The following USP54 variants were observed in gnomAD, a reference collection of about 807,000 sequenced individuals.
USP54 encodes the protein ubiquitin specific peptidase 54.
USP54 carries 87 observed loss-of-function variants against 170.5 expected under a neutral mutation model. The observed-to-expected ratio is 0.51, with a 90% CI of 0.43 to 0.61. USP54 has a LOEUF of 0.61. Among genes scored for constraint, USP54 ranks in the 20% least tolerant of loss-of-function variants. The pLI is 0.00. For missense variants in USP54, 1,786 were observed against 2,047.8 expected (o/e 0.87, Z 2.47); for synonymous variants, 655 against 742.8 (o/e 0.88, Z 1.92).
chr10:73,625,154 A>G (rs947695854), intron 1 of USP54, among the ~76,000 whole-genome samples: 1 of 152,092 alleles, frequency 6.6e-6, no homozygotes, highest in Non-Finnish European at 1.5e-5. Flanking sequence ...CCTTCTTCCA[A>G]CTCAATACGC....
chr10:73,532,944 A>G (rs1056837773), intron 12 of USP54, among the ~76,000 whole-genome samples: 1 of 152,242 alleles, frequency 6.6e-6, no homozygotes, highest in Non-Finnish European at 1.5e-5. Context: ...TATGATACTT[A>G]TAAGTGGATA....
chr10:73,601,124 T>C (rs2079135081), intron 1 of USP54, among the ~76,000 whole-genome samples: 2 of 152,142 alleles, frequency 1.3e-5, no homozygotes, highest in Admixed American at 1.3e-4. Context: ...TAGGAAAGTT[T>C]GGGTAAATTA....
chr10:73,584,128 G>A (rs1403789436), intron 1 of USP54, among the ~76,000 whole-genome samples: 1 of 152,156 alleles, frequency 6.6e-6, no homozygotes, highest in Non-Finnish European at 1.5e-5. Flanking sequence ...AGTGGCTCAC[G>A]CCTGTAATGC....
intron 20 of USP54, 164 bp from the exon 21 acceptor site, chr10:73,505,590 G>A: frequency 1.7e-6 from 1 of 591,034 alleles, no homozygotes. Flanking sequence ...AGCAAGAGGG[G>A]CTGGGCGCGG....
Position 73,530,763 on chromosome 10 carries a change from C to G in USP54, c.1388G>C (p.Ser463Thr). Reference sequence around the variant, plus strand: ...GCCTTTCCTCCTAACCCGACCAGAGCTCCTCTTGCGCTCTATCAGTGACCC... The same window carrying G: ...GCCTTTCCTCCTAACCCGACCAGAGGTCCTCTTGCGCTCTATCAGTGACCC... ...KKGSLIERKR[S>T]SGRVRRKGDE... Residue 463 changes from serine (S) to threonine (T), a missense_variant, in exon 13 of 24, where the codon AGC becomes ACC. Physicochemically the swap from Ser to Thr is moderately conservative, Grantham distance 58. This residue lies in a region of USP54 where 1,418 missense variants were observed against 1,569.0 expected (regional missense o/e 0.90). Coordinates refer to ENST00000687698, the MANE Select transcript of USP54 (RefSeq NM_001391956.1). The G allele has an allele frequency of 6.2e-7, 1 of 1,614,084 alleles. No homozygotes were observed. Among genetic ancestry groups the G allele is most frequent in the Non-Finnish European group, 8.5e-7 (1 of 1,179,966 alleles).
chr10:73,592,216 T>C (rs2078317649), upstream of USP54, among the ~76,000 whole-genome samples: 1 of 151,776 alleles, frequency 6.6e-6, no homozygotes, highest in Non-Finnish European at 1.5e-5. Flanking sequence ...TATAAAACAG[T>C]TTTATTGAAA....
chr10:73,559,795 G>T (rs1160227344), intron 4 of USP54, among the ~76,000 whole-genome samples: 2 of 151,852 alleles, frequency 1.3e-5, no homozygotes. Flanking sequence ...CGGGCATGGT[G>T]ACTCATGCCT....
At chr10:73,562,402 A>G (rs759818987) in intron 4 of USP54, among the ~76,000 whole-genome samples, 25 of 152,114 alleles carry the variant, frequency 1.6e-4, no homozygotes, top group Non-Finnish European at 3.2e-4. Context: ...TCTACCCTCC[A>G]CCTTCTACAG....
At chr10:73,598,426 G>A (rs1199221256) in intron 1 of USP54, among the ~76,000 whole-genome samples, 2 of 152,116 alleles carry the variant, frequency 1.3e-5, no homozygotes, top group Admixed American at 6.6e-5. Flanking sequence ...CCTGGGTTAG[G>A]CAAAGACACC....
intron 4 of USP54, among the ~76,000 whole-genome samples, chr10:73,569,821 T>C (rs2074673569): frequency 7.3e-6 from 1 of 136,570 alleles, no homozygotes; most frequent in Admixed American, 8.0e-5. Context: ...TTGGGTGTGG[T>C]GGCATGAGCC....
chr10:73,511,641 C>A (rs1307195589), intron 20 of USP54, among the ~76,000 whole-genome samples: 1 of 151,428 alleles, frequency 6.6e-6, no homozygotes, highest in Non-Finnish European at 1.5e-5. Flanking sequence ...GCCTGGGCAA[C>A]AGAGCGAGAC....
At chr10:73,510,722 T>C (rs2133231754) in intron 20 of USP54, among the ~76,000 whole-genome samples, 1 of 152,314 alleles carries the variant, frequency 6.6e-6, no homozygotes, top group Non-Finnish European at 1.5e-5. Context: ...GTGCTGGGAT[T>C]ACAGGTGTGA....
At chr10:73,521,271 A>T (rs755579967) in intron 17 of USP54, among the ~76,000 whole-genome samples, 2 of 152,168 alleles carry the variant, frequency 1.3e-5, no homozygotes, top group Non-Finnish European at 2.9e-5. Context: ...TAACACCAAG[A>T]CCCTTAGGAA....
chr10:73,599,336 T>C (rs1408901778), intron 1 of USP54, among the ~76,000 whole-genome samples: 1 of 152,178 alleles, frequency 6.6e-6, no homozygotes, highest in African/African-American at 2.4e-5. Flanking sequence ...ATAGAAGTAA[T>C]GAAATTCAAA....
chr10:73,611,475 C>G (rs2080134757), intron 1 of USP54: 1 of 151,736 alleles, frequency 6.6e-6, no homozygotes, highest in Non-Finnish European at 1.5e-5. Flanking sequence ...ATAGTGAGAA[C>G]CCAGATCTAG....
intron 1 of USP54, chr10:73,611,704 G>A: frequency 6.6e-6 from 1 of 152,434 alleles, no homozygotes; most frequent in Non-Finnish European, 1.5e-5. Context: ...GGCTGAGGCA[G>A]GAGAATCGCT....
intron 1 of USP54, among the ~76,000 whole-genome samples, chr10:73,619,993 T>C (rs574660270): frequency 1.3e-5 from 2 of 150,572 alleles, no homozygotes; most frequent in African/African-American, 5.0e-5. Flanking sequence ...ATTGCAGCTG[T>C]GTGACTTTGG....
chr10:73,517,322 G>A lies in USP54; in HGVS notation c.3104C>T (p.Pro1035Leu), dbSNP rs751720266. Residue 1035 changes from proline (P) to leucine (L), a missense_variant, in exon 20 of 24, where the codon CCC becomes CTC. By Grantham distance (98) the Pro-to-Leu change is moderately conservative (BLOSUM62 -3). Coordinates refer to ENST00000687698, the MANE Select transcript of USP54 (RefSeq NM_001391956.1). ...LFQEKKDPAN[P>L]SPVMPGIATS... Reference sequence around the variant, plus strand: ...GGCTATTCCAGGCATCACCGGGGAGGGGTTAGCAGGATCCTTCTTTTCTTG... The same window carrying A: ...GGCTATTCCAGGCATCACCGGGGAGAGGTTAGCAGGATCCTTCTTTTCTTG... 13 of 1,612,146 alleles carry A rather than the reference G, an allele frequency of 8.1e-6. 1 individual carries two copies. Among genetic ancestry groups the A allele is most frequent in the East Asian group, 4.5e-5 (2 of 44,870 alleles).
chr10:73,584,404 C>T (rs1006673413), intron 1 of USP54, among the ~76,000 whole-genome samples: 11 of 151,842 alleles, frequency 7.2e-5, no homozygotes, highest in Non-Finnish European at 5.9e-5. Flanking sequence ...AAAGAAGAGA[C>T]GTTGACGTAG....
Sources: allele counts gnomAD v4.1 joint callset (sites outside exome capture counted in the v4.1 genomes callset), GRCh38; gene constraint gnomAD v4.1.1; regional missense constraint gnomAD v4.1.1; transcripts MANE v1.5; gene names NCBI Gene and HGNC (gene_info 2026-07-23, HGNC 2026-07-21).